PAPPA2: variants seen among roughly 807,000 people sequenced by gnomAD.
The protein encoded by PAPPA2 is pappalysin 2.
PAPPA2 carries 86 observed loss-of-function variants against 176.4 expected under a neutral mutation model. The observed-to-expected ratio is 0.49, with a 90% confidence interval of 0.41 to 0.58. The LOEUF (loss-of-function observed/expected upper bound fraction) is 0.58, where lower values mean the gene tolerates loss of function less well. Among genes scored for constraint, PAPPA2 ranks in the 20% least tolerant of loss-of-function variants. The probability of loss-of-function intolerance (pLI) is 0.00; values close to 1 mark genes in which losing one functional copy is unlikely to be tolerated. For missense variants in PAPPA2, 2,073 were observed against 2,256.9 expected, an observed-to-expected ratio of 0.92 and a Z score of 1.65; for synonymous variants, 809 against 852.2, an observed-to-expected ratio of 0.95 and a Z score of 0.88.
chr1:176,664,556 C>G (rs1480996573), intron 3 of PAPPA2, among the ~76,000 whole-genome samples: 1 of 152,190 alleles, frequency 6.6e-6, no homozygotes, highest in East Asian at 1.9e-4. Flanking sequence ...CAAATCTAAA[C>G]AGTCCTTTTT....
intron 3 of PAPPA2, among the ~76,000 whole-genome samples, chr1:176,624,730 TC>T (rs1265452337): frequency 3.3e-5 from 5 of 152,194 alleles, no homozygotes; most frequent in Non-Finnish European, 7.3e-5. Flanking sequence ...TCCATCCCAG[TC>T]CTACCTCTGT....
chr1:176,634,389 A>G (rs1045174823), intron 3 of PAPPA2, among the ~76,000 whole-genome samples: 2 of 152,154 alleles, frequency 1.3e-5, no homozygotes, highest in East Asian at 1.9e-4. Flanking sequence ...GAATTGAACA[A>G]TGAGAACACT....
rs531884712 is a variant in PAPPA2 at position 176,844,590 on chromosome 1, C to T, written c.*2136C>T. On this transcript the variant is annotated 3_prime_UTR_variant, in exon 23 of 23. Transcript: ENST00000367662. The stretch of plus-strand genomic sequence containing the variant: ...TTGTCTTGGGTCATGCTTAGTGCCC[C>T]CAAGAAGACAAACATATTTATTCTT... 5.1e-4 allele frequency: 78 copies of T among 152,112 alleles called. No individual in the cohort carries two copies. The highest frequency in any genetic ancestry group is 1.7e-3 in the African/African-American group (72 of 41,510). The allele number at this position is 152,112 out of a possible 1,614,324, so 9.4% of individuals were successfully genotyped here.
intron 22 of PAPPA2, among the ~76,000 whole-genome samples, chr1:176,841,761 C>G (rs1303187068): frequency 6.6e-6 from 1 of 152,050 alleles, no homozygotes; most frequent in African/African-American, 2.4e-5. Flanking sequence ...ATTATTCCAC[C>G]AAGTCAAAGT....
chr1:176,470,732 T>G (rs1438692431), intron 1 of PAPPA2, among the ~76,000 whole-genome samples: 1 of 152,194 alleles, frequency 6.6e-6, no homozygotes, highest in African/African-American at 2.4e-5. Flanking sequence ...AAAAACACTA[T>G]CATTTTAAAA....
chr1:176,669,786 C>T (rs1291274420), intron 3 of PAPPA2, among the ~76,000 whole-genome samples: 1 of 152,104 alleles, frequency 6.6e-6, no homozygotes, highest in Non-Finnish European at 1.5e-5. Flanking sequence ...TTTGCCAGCA[C>T]ATCCTACACT....
chr1:176,500,804 C>A (rs530475985), intron 1 of PAPPA2, among the ~76,000 whole-genome samples: 3 of 151,334 alleles, frequency 2.0e-5, no homozygotes, highest in South Asian at 4.1e-4. Flanking sequence ...TAAATCTAAA[C>A]CATGGTTACT....
intron 12 of PAPPA2, among the ~76,000 whole-genome samples, chr1:176,729,676 A>T (rs1662042015): frequency 6.6e-6 from 1 of 152,098 alleles, no homozygotes. Flanking sequence ...ATTCATGAAC[A>T]CTTACTCGTT....
intron 21 of PAPPA2, among the ~76,000 whole-genome samples, chr1:176,818,008 A>G (rs1227358412): frequency 2.0e-5 from 3 of 152,246 alleles, no homozygotes; most frequent in African/African-American, 7.2e-5. Flanking sequence ...AAGCCAGTCA[A>G]GGGGACAGAG....
At chr1:176,586,564 T>G (rs997570882) in intron 2 of PAPPA2, among the ~76,000 whole-genome samples, 3 of 152,280 alleles carry the variant, frequency 2.0e-5, no homozygotes, top group Non-Finnish European at 4.4e-5. Flanking sequence ...GTTCCTGTGT[T>G]AGTTGGCTGA....
chr1:176,492,695 C>T (rs1647356278), intron 1 of PAPPA2, among the ~76,000 whole-genome samples: 1 of 152,106 alleles, frequency 6.6e-6, no homozygotes. Flanking sequence ...AGTAAGCTAG[C>T]TCAGATGTTT....
At chr1:176,577,893 T>C (rs888653039) in intron 2 of PAPPA2, among the ~76,000 whole-genome samples, 1 of 152,082 alleles carries the variant, frequency 6.6e-6, no homozygotes. Context: ...ACACAGCATG[T>C]TTTTTTAGTT....
intron 1 of PAPPA2, among the ~76,000 whole-genome samples, chr1:176,513,937 C>G (rs1178582358): frequency 6.6e-6 from 1 of 152,112 alleles, no homozygotes; most frequent in Non-Finnish European, 1.5e-5. Context: ...AGAGCATCAT[C>G]CATCCACATG....
At chr1:176,825,565 A>G (rs984064248) in intron 21 of PAPPA2, among the ~76,000 whole-genome samples, 2 of 152,222 alleles carry the variant, frequency 1.3e-5, no homozygotes, top group African/African-American at 2.4e-5. Context: ...GAAGGTGCAA[A>G]GAGTTCAGCA....
chr1:176,587,975 G>T (rs1283508940), intron 2 of PAPPA2, among the ~76,000 whole-genome samples: 1 of 152,170 alleles, frequency 6.6e-6, no homozygotes, highest in East Asian at 1.9e-4. Flanking sequence ...GATGGGAGTA[G>T]CATTGAATCT....
intron 21 of PAPPA2, among the ~76,000 whole-genome samples, chr1:176,804,873 G>A (rs773686791): frequency 6.6e-6 from 1 of 152,124 alleles, no homozygotes; most frequent in Admixed American, 6.5e-5. Context: ...TATGATAACT[G>A]TATAAAAGAC....
At chr1:176,760,616 C>T (rs1269442118) in intron 14 of PAPPA2, among the ~76,000 whole-genome samples, 1 of 152,098 alleles carries the variant, frequency 6.6e-6, no homozygotes. Context: ...AATAAGAGGG[C>T]CACTCTTAGA....
intron 1 of PAPPA2, among the ~76,000 whole-genome samples, chr1:176,470,879 T>A (rs56361146): frequency 3.4e-5 from 4 of 117,852 alleles, no homozygotes; most frequent in East Asian, 4.6e-4. Flanking sequence ...ATTTTTTTTT[T>A]TAAAGTTTTA....
At chr1:176,503,170 G>A (rs2102511730) in intron 1 of PAPPA2, among the ~76,000 whole-genome samples, 1 of 152,194 alleles carries the variant, frequency 6.6e-6, no homozygotes, top group South Asian at 2.1e-4. Flanking sequence ...TCCAGACACT[G>A]TTGACATCCC....
Sources: gnomAD v4.1 joint callset for allele counts (sites outside exome capture counted in the v4.1 genomes callset) on GRCh38, gnomAD v4.1.1 for gene constraint, MANE v1.5 for transcripts, NCBI Gene and HGNC (gene_info 2026-07-23, HGNC 2026-07-21) for gene names.